The following FGF14 variants were observed in gnomAD, a reference collection of about 807,000 sequenced individuals.
The protein encoded by FGF14 is fibroblast growth factor homologous factor 4.
FGF14 carries 5 observed loss-of-function variants against 25.5 expected under a neutral mutation model. The observed-to-expected ratio is 0.20, with a 90% CI of 0.10 to 0.41. FGF14 has a LOEUF of 0.41. Among genes scored for constraint, FGF14 ranks in the 10% least tolerant of loss-of-function variants. The pLI is 1.00. For synonymous variants in FGF14, 138 were observed against 118.3 expected (o/e 1.17, Z -1.08); for missense variants, 222 against 320.1 (o/e 0.69, Z 2.34).
chr13:102,084,038 T>A (rs1414544857), intron 1 of FGF14, among the ~76,000 whole-genome samples: 2 of 152,158 alleles, frequency 1.3e-5, no homozygotes, highest in East Asian at 3.9e-4. Flanking sequence ...ACTGGCCTTT[T>A]TTTTTCTCAT....
intron 1 of FGF14, among the ~76,000 whole-genome samples, chr13:102,075,667 A>T (rs1316358705): frequency 6.6e-6 from 1 of 152,234 alleles, no homozygotes; most frequent in Non-Finnish European, 1.5e-5. Context: ...ACTATAATAG[A>T]CAAGTTAACT....
intron 1 of FGF14, among the ~76,000 whole-genome samples, chr13:101,966,126 A>G (rs1322381126): frequency 6.6e-6 from 1 of 152,202 alleles, no homozygotes; most frequent in Admixed American, 6.5e-5. Flanking sequence ...TTTAAACTCC[A>G]TTTTCTCAGA....
chr13:101,840,466 CTAATA>C (rs1276900624), intron 3 of FGF14, among the ~76,000 whole-genome samples: 12 of 151,568 alleles, frequency 7.9e-5, no homozygotes, highest in Middle Eastern at 3.4e-3. Flanking sequence ...CTCTTATTCA[CTAATA>C]TAATTATTAA....
At chr13:102,309,256 C>T (rs1185117795) in intron 1 of FGF14, among the ~76,000 whole-genome samples, 1 of 152,032 alleles carries the variant, frequency 6.6e-6, no homozygotes, top group Non-Finnish European at 1.5e-5. Context: ...AAGCTTGCTG[C>T]ACTGCACCAA....
intron 1 of FGF14, among the ~76,000 whole-genome samples, chr13:102,392,928 GAA>G (rs1415132660): frequency 6.6e-6 from 1 of 152,130 alleles, no homozygotes; most frequent in East Asian, 1.9e-4. Context: ...TCATGACACA[GAA>G]GAGAGCTCAC....
At chr13:102,134,729 A>G (rs1351991110) in intron 1 of FGF14, among the ~76,000 whole-genome samples, 1 of 152,168 alleles carries the variant, frequency 6.6e-6, no homozygotes, top group East Asian at 1.9e-4. Context: ...GAGATGGAGG[A>G]ATTCAAAATT....
At position 102,401,147 on chromosome 13, in the gene FGF14, C is replaced by T. The variant is rs1343057636; in HGVS notation, c.208+324G>A. 3.9e-5 allele frequency among the ~76,000 whole-genome samples: 6 copies of T among 151,996 alleles called. No homozygotes were observed. In the East Asian group the frequency reaches 1.2e-3, roughly 29 times the overall value. On this transcript the variant is annotated intron_variant, in intron 1 of 4. Transcript: ENST00000376131. ...TGGCAACTACCGAAGCTTCAGCTGC[C>T]TGGGGCACAACCTTAAGCCATAGCC...
At chr13:101,785,593 T>G (rs2039769204) in intron 3 of FGF14, among the ~76,000 whole-genome samples, 1 of 152,104 alleles carries the variant, frequency 6.6e-6, no homozygotes, top group Admixed American at 6.5e-5. Flanking sequence ...CTACATTATC[T>G]GTCTATCACC....
intron 1 of FGF14, among the ~76,000 whole-genome samples, chr13:101,990,325 T>C (rs113883612): frequency 2.8e-4 from 42 of 152,256 alleles, no homozygotes; most frequent in African/African-American, 1.0e-3. Flanking sequence ...TGAATTCTGC[T>C]TGCTCTTCCT....
intron 3 of FGF14, among the ~76,000 whole-genome samples, chr13:101,747,500 G>C (rs2036964639): frequency 6.6e-6 from 1 of 151,974 alleles, no homozygotes; most frequent in Non-Finnish European, 1.5e-5. Flanking sequence ...ATTGTTAAGG[G>C]ATGAGACAAG....
At chr13:101,759,033 C>G (rs2037834192) in intron 3 of FGF14, among the ~76,000 whole-genome samples, 1 of 152,232 alleles carries the variant, frequency 6.6e-6, no homozygotes, top group East Asian at 1.9e-4. Flanking sequence ...CATGCCAGAG[C>G]TCTGACTATG....
chr13:102,212,468 C>T (rs2050202014), intron 1 of FGF14, among the ~76,000 whole-genome samples: 1 of 152,164 alleles, frequency 6.6e-6, no homozygotes, highest in African/African-American at 2.4e-5. Flanking sequence ...CACAGTGCTC[C>T]CTGGGCAGCC....
chr13:101,874,273 C>T (rs1304082010), intron 2 of FGF14, among the ~76,000 whole-genome samples: 1 of 151,566 alleles, frequency 6.6e-6, no homozygotes, highest in East Asian at 1.9e-4. Flanking sequence ...TTATTCAAAC[C>T]CTCACTTCTT....
At chr13:102,161,570 A>AAGAAGAAGAAGAAGAAGAAGAAAGAAG in intron 1 of FGF14, among the ~76,000 whole-genome samples, 1 of 5,652 alleles carries the variant, frequency 1.8e-4, no homozygotes, top group South Asian at 8.1e-3. Flanking sequence ...TTCTGTGAAG[A>AAGAAGAAGAAGAAGAAGAAGAAAGAAG]AAGAAAGAAG....
At chr13:102,009,481 T>C (rs2039971708) in intron 1 of FGF14, among the ~76,000 whole-genome samples, 1 of 152,168 alleles carries the variant, frequency 6.6e-6, no homozygotes, top group Non-Finnish European at 1.5e-5. Context: ...TTGATATCTA[T>C]ACACATGTTC....
At chr13:102,287,129 A>C (rs188087938) in intron 1 of FGF14, among the ~76,000 whole-genome samples, 181 of 152,056 alleles carry the variant, frequency 1.2e-3, no homozygotes, top group African/African-American at 4.3e-3. Flanking sequence ...AAGTACAATA[A>C]AAAAAAAGAA....
intron 1 of FGF14, among the ~76,000 whole-genome samples, chr13:102,336,149 G>A (rs143495575): frequency 4.4e-4 from 67 of 152,300 alleles, no homozygotes; most frequent in African/African-American, 1.4e-3. Flanking sequence ...AGCTTAGTGA[G>A]GAAGGTAGGT....
chr13:102,364,620 C>G (rs949181752), intron 1 of FGF14, among the ~76,000 whole-genome samples: 3 of 152,162 alleles, frequency 2.0e-5, no homozygotes, highest in Non-Finnish European at 2.9e-5. Context: ...ACAATACTTA[C>G]GAAGTATAAA....
intron 1 of FGF14, among the ~76,000 whole-genome samples, chr13:102,131,092 T>C (rs183902642): frequency 1.3e-4 from 20 of 152,260 alleles, no homozygotes; most frequent in Non-Finnish European, 7.4e-5. Context: ...AATTCTCCAA[T>C]TGATGTGTTT....
Sources: allele counts gnomAD v4.1 joint callset (sites outside exome capture counted in the v4.1 genomes callset), GRCh38; gene constraint gnomAD v4.1.1; transcripts MANE v1.5; gene names NCBI Gene and HGNC (gene_info 2026-07-23, HGNC 2026-07-21).